The following WDR70 variants were observed in gnomAD, a reference collection of about 807,000 sequenced individuals.
WDR70 encodes the protein WD repeat-containing protein 70.
A neutral mutation model predicts 88.6 loss-of-function variants in WDR70; 53 were observed. That is an observed-to-expected ratio of 0.60 (90% confidence interval 0.48 to 0.75). The LOEUF is 0.75. WDR70 is among the 30% of genes least tolerant of loss of function. The pLI, the probability that WDR70 is intolerant of heterozygous loss-of-function variation, is 0.00. For missense variants in WDR70, 610 were observed against 823.2 expected (o/e 0.74, Z 3.17); for synonymous variants, 280 against 270.0 (o/e 1.04, Z -0.36).
intron 10 of WDR70, among the ~76,000 whole-genome samples, chr5:37,644,060 C>G (rs1384086347): frequency 2.6e-5 from 4 of 151,966 alleles, no homozygotes; most frequent in Non-Finnish European, 5.9e-5. Flanking sequence ...TTGTTGTGTT[C>G]TAGATCTTAG....
intron 8 of WDR70, among the ~76,000 whole-genome samples, chr5:37,501,952 A>T (rs1740416179): frequency 6.6e-6 from 1 of 152,054 alleles, no homozygotes; most frequent in Admixed American, 6.5e-5. Flanking sequence ...TATGAATTTT[A>T]GGATTGATTC....
chr5:37,684,832 G>C lies in WDR70; in HGVS notation c.1093-12823G>C, dbSNP rs1333732051. Reference sequence around the variant, plus strand: ...GTGCAGGGGGCTGGAGGGGTGAAAGGTTGCATGCTCACTGGCTGCAGTGCT... The same window carrying C: ...GTGCAGGGGGCTGGAGGGGTGAAAGCTTGCATGCTCACTGGCTGCAGTGCT... On this transcript the variant is annotated intron_variant, in intron 10 of 17. Transcript: ENST00000265107. Among the ~76,000 whole-genome samples the C allele has an allele frequency of 2.0e-5, 3 of 152,216 alleles. No individual in the cohort carries two copies. The East Asian group carries it at 5.8e-4, about 29-fold the overall frequency.
chr5:37,510,881 G>A (rs752740062), intron 8 of WDR70, among the ~76,000 whole-genome samples: 3 of 152,142 alleles, frequency 2.0e-5, no homozygotes, highest in Non-Finnish European at 2.9e-5. Context: ...GTTTGAATTA[G>A]GTTATGCATT....
At chr5:37,491,418 C>A (rs11958226) in intron 8 of WDR70, among the ~76,000 whole-genome samples, 90,822 of 152,064 alleles carry the variant, frequency 0.6, 28,479 homozygotes, top group Non-Finnish European at 0.69. Flanking sequence ...TGATATTGTT[C>A]AGTGCCTTTC....
At chr5:37,485,296 A>G (rs1432362133) in intron 8 of WDR70, among the ~76,000 whole-genome samples, 1 of 152,150 alleles carries the variant, frequency 6.6e-6, no homozygotes, top group Non-Finnish European at 1.5e-5. Flanking sequence ...CTCACCTACT[A>G]TTTTTTGTAA....
At chr5:37,389,030 C>T (rs1444071524) in intron 3 of WDR70, among the ~76,000 whole-genome samples, 3 of 151,426 alleles carry the variant, frequency 2.0e-5, no homozygotes, top group South Asian at 2.1e-4. Context: ...TGCCACCCCC[C>T]GAGGTCTGGA....
At position 37,649,733 on chromosome 5, in the gene WDR70, C is replaced by CTTTTTTTTTT. The variant is rs70978834; in HGVS notation, c.1092+44508_1092+44517dup. Among the ~76,000 whole-genome samples the CTTTTTTTTTT allele has an allele frequency of 7.3e-3, 499 of 68,738 alleles. 53 individuals are homozygous for CTTTTTTTTTT. The highest frequency in any genetic ancestry group is 0.025 in the African/African-American group (398 of 15,616). 45.1% of individuals were successfully genotyped at this position (68,738 alleles called of 152,430 possible). A position where few individuals can be genotyped will look rare whatever the true frequency, so the allele number is the denominator to read the frequency against. On this transcript the variant is annotated intron_variant, in intron 10 of 17. Transcript: ENST00000265107. ...ATATACATTCACGATGTTATTACTTCTTTTTTTTTTTTTTTTTTTTTTGAG... is the reference window on the plus strand; with the variant it reads ...ATATACATTCACGATGTTATTACTTCTTTTTTTTTTTTTTTTTTTTTTTTTTTTTTTTGAG...
intron 10 of WDR70, among the ~76,000 whole-genome samples, chr5:37,678,098 A>G (rs1327470240): frequency 6.6e-6 from 1 of 151,948 alleles, no homozygotes; most frequent in Non-Finnish European, 1.5e-5. Context: ...ATCTTCCTCC[A>G]TCCTTTTATT....
At chr5:37,506,969 C>A (rs1740579063) in intron 8 of WDR70, 2 of 659,514 alleles carry the variant, frequency 3.0e-6, no homozygotes, top group African/African-American at 3.6e-5. Context: ...GATTCACCTC[C>A]CTTTGCCACC....
chr5:37,726,836 C>G (rs777087064), intron 16 of WDR70, 47 bp from the exon 17 acceptor site: 3 of 1,547,944 alleles, frequency 1.9e-6, no homozygotes, highest in East Asian at 2.3e-5. Context: ...CCTATGTATC[C>G]TCATGCTCAT....
At chr5:37,577,200 T>C (rs1167795955) in intron 9 of WDR70, among the ~76,000 whole-genome samples, 1 of 152,138 alleles carries the variant, frequency 6.6e-6, no homozygotes, top group Non-Finnish European at 1.5e-5. Context: ...AGGCAGTCCT[T>C]TGAAGCTGAC....
At chr5:37,730,299 C>T (rs1561095275) in intron 17 of WDR70, among the ~76,000 whole-genome samples, 1 of 151,990 alleles carries the variant, frequency 6.6e-6, no homozygotes, top group African/African-American at 2.4e-5. Context: ...ATGTCAGCAA[C>T]TTTTTTTGTT....
intron 13 of WDR70, among the ~76,000 whole-genome samples, chr5:37,710,590 A>C (rs1257805561): frequency 9.2e-5 from 14 of 152,232 alleles, no homozygotes; most frequent in Admixed American, 8.5e-4. Flanking sequence ...TAAGACACTT[A>C]GTAATCAAGA....
intron 10 of WDR70, among the ~76,000 whole-genome samples, chr5:37,675,359 G>A (rs1232650756): frequency 1.3e-5 from 2 of 152,004 alleles, no homozygotes; most frequent in East Asian, 1.9e-4. Flanking sequence ...GGGTTTTTAT[G>A]GTTTTAGGTC....
intron 7 of WDR70, among the ~76,000 whole-genome samples, chr5:37,476,724 G>C (rs13189752): frequency 0.26 from 39,588 of 151,932 alleles, 5,748 homozygotes; most frequent in East Asian, 0.48. Context: ...CTAATTTTTT[G>C]TATTTTTAGT....
At chr5:37,601,825 G>A (rs1581427002) in intron 9 of WDR70, among the ~76,000 whole-genome samples, 1 of 152,246 alleles carries the variant, frequency 6.6e-6, no homozygotes, top group East Asian at 1.9e-4. Flanking sequence ...CAACCCAAAT[G>A]TCCATCAGTA....
chr5:37,418,463 G>A (rs1749830209), intron 5 of WDR70, among the ~76,000 whole-genome samples: 1 of 152,026 alleles, frequency 6.6e-6, no homozygotes, highest in Non-Finnish European at 1.5e-5. Context: ...GGGACTACAG[G>A]CAACCGCCAC....
chr5:37,421,850 G>A (rs1229522001), intron 5 of WDR70, among the ~76,000 whole-genome samples: 7 of 151,462 alleles, frequency 4.6e-5, no homozygotes, highest in Non-Finnish European at 7.4e-5. Context: ...TCAGAAATAG[G>A]AAAAATGGTG....
At chr5:37,539,045 G>C (rs2112323885) in intron 9 of WDR70, among the ~76,000 whole-genome samples, 1 of 152,334 alleles carries the variant, frequency 6.6e-6, no homozygotes, top group African/African-American at 2.4e-5. Flanking sequence ...ACTGATGAGT[G>C]AATCAGATGC....
Sources: gnomAD v4.1 joint callset for allele counts (sites outside exome capture counted in the v4.1 genomes callset) on GRCh38, gnomAD v4.1.1 for gene constraint, MANE v1.5 for transcripts, NCBI Gene and HGNC (gene_info 2026-07-23, HGNC 2026-07-21) for gene names.